Variants in PJA2 observed in about 807,000 individuals in gnomAD.
PJA2 encodes praja ring finger ubiquitin ligase 2.
Under a neutral mutation model 69.3 loss-of-function variants are expected in PJA2, and 25 were observed. The ratio of observed to expected loss-of-function variants is 0.36; its 90% CI spans 0.26 to 0.50. PJA2 has a LOEUF of 0.50. Among genes scored for constraint, PJA2 ranks in the 20% least tolerant of loss-of-function variants. The pLI, the probability that PJA2 is intolerant of heterozygous loss-of-function variation, is 0.96. For synonymous variants in PJA2, 308 were observed against 277.8 expected, an observed-to-expected ratio of 1.11 and a Z score of -1.08; for missense variants, 809 against 830.2, an observed-to-expected ratio of 0.97 and a Z score of 0.31.
intron 9 of PJA2, among the ~76,000 whole-genome samples, chr5:109,339,306 G>A (rs551817390): frequency 6.6e-6 from 1 of 152,294 alleles, no homozygotes; most frequent in African/African-American, 2.4e-5. Context: ...ATAGGAAGAG[G>A]CGAAGATGAT....
chr5:109,382,587 C>T (rs1747075652), intron 2 of PJA2, among the ~76,000 whole-genome samples: 1 of 151,950 alleles, frequency 6.6e-6, no homozygotes, highest in Admixed American at 6.6e-5. Context: ...GTGGCTCATG[C>T]CTGTAATCCC....
chr5:109,377,719 GA>G (rs1384000752), intron 4 of PJA2, among the ~76,000 whole-genome samples: 2 of 151,742 alleles, frequency 1.3e-5, no homozygotes, highest in East Asian at 3.9e-4. Context: ...TGAATGCTAA[GA>G]AAAAATAAGT....
chr5:109,337,755 G>A (rs573585100), intron 9 of PJA2, among the ~76,000 whole-genome samples: 157 of 152,018 alleles, frequency 1.0e-3, no homozygotes, highest in African/African-American at 3.6e-3. Context: ...TCTATTATGC[G>A]TTTACTAGAG....
chr5:109,380,284 T>C (rs567416894), intron 3 of PJA2, among the ~76,000 whole-genome samples: 1 of 152,002 alleles, frequency 6.6e-6, no homozygotes, highest in African/African-American at 2.4e-5. Context: ...TTCTTACATA[T>C]GACAGCAAAA....
chr5:109,396,575 C>A (rs556290298), intron 1 of PJA2, among the ~76,000 whole-genome samples: 2 of 151,010 alleles, frequency 1.3e-5, no homozygotes, highest in Non-Finnish European at 3.0e-5. Context: ...TACAGGCATG[C>A]GCCACCACGT....
chr5:109,371,584 T>C (rs1762676578), intron 4 of PJA2, among the ~76,000 whole-genome samples: 1 of 152,214 alleles, frequency 6.6e-6, no homozygotes, highest in African/African-American at 2.4e-5. Context: ...TATAGTCAAT[T>C]ATTAATTGGT....
At position 109,344,149 on chromosome 5, in the gene PJA2, T is replaced by C. The variant is rs1762135007; in HGVS notation, c.2001+41A>G. ...ACTATTATTCACTTGCAGAAGACAC[T>C]ATTAAAGTATTTTTAAATTTTTAAT... On this transcript the variant is annotated intron_variant, in intron 9 of 9. Transcript: ENST00000361189. 5.3e-6 allele frequency: 6 copies of C among 1,139,816 alleles called. No homozygotes were observed. In the East Asian group the frequency reaches 1.7e-4, roughly 32 times the overall value. 70.6% of individuals were successfully genotyped at this position (1,139,816 alleles called of 1,614,324 possible). A position where few individuals can be genotyped will look rare whatever the true frequency, so the allele number is the denominator to read the frequency against.
At chr5:109,398,002 G>C (rs1307019838) in intron 1 of PJA2, among the ~76,000 whole-genome samples, 2 of 152,174 alleles carry the variant, frequency 1.3e-5, no homozygotes, top group Non-Finnish European at 2.9e-5. Flanking sequence ...GATAGGAACA[G>C]ACACTTCTCA....
intron 9 of PJA2, among the ~76,000 whole-genome samples, chr5:109,340,616 GTCCCTCCCCCTCCCCC>G (rs1762025821): frequency 3.8e-4 from 4 of 10,438 alleles, no homozygotes; most frequent in African/African-American, 2.4e-3. Context: ...GATTTATTGG[GTCCCTCCCCCTCCCCC>G]TCCCCCTCCC....
chr5:109,390,927 C>T (rs1267287348), intron 1 of PJA2, among the ~76,000 whole-genome samples: 1 of 152,090 alleles, frequency 6.6e-6, no homozygotes, highest in African/African-American at 2.4e-5. Flanking sequence ...TATGTTTGGG[C>T]AAGTCCATTT....
At chr5:109,364,836 A>AT (rs139404164) in intron 5 of PJA2, among the ~76,000 whole-genome samples, 5,836 of 152,242 alleles carry the variant, frequency 0.038, 118 homozygotes, top group Middle Eastern at 0.051. Context: ...AAAGGATATA[A>AT]TAATTAGCAG....
chr5:109,375,889 G>A (rs1371164860), intron 4 of PJA2, among the ~76,000 whole-genome samples: 2 of 152,112 alleles, frequency 1.3e-5, no homozygotes, highest in East Asian at 1.9e-4. Flanking sequence ...TCCTTTGCAG[G>A]GAATTAGGGT....
At chr5:109,343,295 AAG>A (rs1447249642) in intron 9 of PJA2, among the ~76,000 whole-genome samples, 24 of 54,096 alleles carry the variant, frequency 4.4e-4, no homozygotes, top group African/African-American at 9.9e-4. Flanking sequence ...AAAAAAAAGA[AAG>A]AAAGAAAGAA....
chr5:109,378,084 T>G (rs943296447), intron 4 of PJA2, 120 bp downstream of exon 4: 9 of 684,906 alleles, frequency 1.3e-5, no homozygotes, highest in African/African-American at 1.8e-5. Context: ...TAAAAATATT[T>G]GGTAAGTCAA....
chr5:109,376,321 A>G (rs182824994), intron 4 of PJA2, among the ~76,000 whole-genome samples: 48 of 151,924 alleles, frequency 3.2e-4, no homozygotes, highest in Middle Eastern at 6.8e-3. Flanking sequence ...AAAATTAAAA[A>G]TAAGAATAAG....
chr5:109,346,115 G>A (rs773770225), intron 7 of PJA2, among the ~76,000 whole-genome samples: 2 of 152,192 alleles, frequency 1.3e-5, no homozygotes, highest in South Asian at 2.1e-4. Context: ...GTCCTAGACT[G>A]CACGAGTATC....
At chr5:109,359,962 G>C (rs1213851264) in intron 6 of PJA2, among the ~76,000 whole-genome samples, 3 of 151,930 alleles carry the variant, frequency 2.0e-5, no homozygotes, top group African/African-American at 4.8e-5. Flanking sequence ...AAGTGGGTCA[G>C]AAAAAAACCT....
chr5:109,386,916 C>T lies in PJA2; in HGVS notation c.-87-3396G>A, dbSNP rs1747172223. 2.6e-5 allele frequency among the ~76,000 whole-genome samples: 4 copies of T among 152,098 alleles called. 1 individual carries two copies. Among genetic ancestry groups the T allele is most frequent in the African/African-American group, 9.7e-5 (4 of 41,424 alleles). ...CTGGTATTCTATAATTTCACAAAGA[C>T]TTGTTTGGGGCAGGCCATGTTTAAA... On this transcript the variant is annotated intron_variant, in intron 1 of 9. Transcript: ENST00000361189.
intron 7 of PJA2, among the ~76,000 whole-genome samples, chr5:109,345,207 T>C (rs1322111377): frequency 7.3e-6 from 1 of 136,552 alleles, no homozygotes; most frequent in Non-Finnish European, 1.6e-5. Flanking sequence ...AAAAACAAAA[T>C]TAGCAGGGTG....
Sources: allele counts gnomAD v4.1 joint callset (sites outside exome capture counted in the v4.1 genomes callset), GRCh38; gene constraint gnomAD v4.1.1; transcripts MANE v1.5; gene names NCBI Gene and HGNC (gene_info 2026-07-23, HGNC 2026-07-21).